CIAPIN1: variants seen among roughly 807,000 people sequenced by gnomAD.
CIAPIN1 encodes the protein anamorsin.
CIAPIN1 carries 18 observed loss-of-function variants against 34.3 expected under a neutral mutation model. That is an observed-to-expected ratio of 0.52 (90% CI 0.36 to 0.78). The LOEUF (loss-of-function observed/expected upper bound fraction) is 0.78. CIAPIN1 is among the 30% of genes least tolerant of loss of function. The pLI, the probability that CIAPIN1 is intolerant of heterozygous loss-of-function variation, is 0.00. For missense variants in CIAPIN1, 310 were observed against 372.5 expected, an observed-to-expected ratio of 0.83 and a Z score of 1.38; for synonymous variants, 131 against 140.4, an observed-to-expected ratio of 0.93 and a Z score of 0.47.
chr16:57,438,464 G>C (rs7189121), intron 3 of CIAPIN1, among the ~76,000 whole-genome samples: 1 of 152,108 alleles, frequency 6.6e-6, no homozygotes, highest in Non-Finnish European at 1.5e-5. Flanking sequence ...TCTTCACTTC[G>C]TCCCTCCCCA....
At chr16:57,440,690 C>CA (rs1235026885) in intron 2 of CIAPIN1, 82 bp downstream of exon 2, 39 of 1,459,106 alleles carry the variant, frequency 2.7e-5, no homozygotes, top group Non-Finnish European at 3.6e-5. Context: ...AATGAAAACT[C>CA]AGATATCAAG....
chr16:57,431,031 G>T, intron 7 of CIAPIN1, 120 bp downstream of exon 7: 1 of 580,388 alleles, frequency 1.7e-6, no homozygotes, highest in Non-Finnish European at 3.1e-6. Flanking sequence ...TTGCAGAGAT[G>T]GTCTCCCTGT....
At chr16:57,444,396 T>G (rs1156846687) in intron 1 of CIAPIN1, among the ~76,000 whole-genome samples, 1 of 152,212 alleles carries the variant, frequency 6.6e-6, no homozygotes, top group African/African-American at 2.4e-5. Flanking sequence ...GGGCTTCCAC[T>G]TCTCTGTGGC....
At chr16:57,445,937 C>T (rs772736576) in intron 1 of CIAPIN1, among the ~76,000 whole-genome samples, 29 of 134,980 alleles carry the variant, frequency 2.1e-4, no homozygotes, top group Admixed American at 1.2e-3. Context: ...CCTCCGACTC[C>T]GGGGTTCAAG....
intron 3 of CIAPIN1, 86 bp downstream of exon 3, chr16:57,439,096 T>A (rs879020635): frequency 7.3e-7 from 1 of 1,364,430 alleles, no homozygotes; most frequent in Non-Finnish European, 1.0e-6. Flanking sequence ...GATCTCCCAA[T>A]GATACCTCCT....
chr16:57,444,761 A>C (rs556460219), intron 1 of CIAPIN1, among the ~76,000 whole-genome samples: 19 of 152,250 alleles, frequency 1.2e-4, no homozygotes, highest in Non-Finnish European at 2.4e-4. Flanking sequence ...CTAAAGCCAA[A>C]GTGTGATACT....
In CIAPIN1 at chr16:57,434,135, C is replaced by T; in HGVS notation, c.465G>A (p.Leu155=). The T allele has an allele frequency of 6.2e-7, 1 of 1,614,190 alleles. No individual in the cohort carries two copies. The highest frequency in any genetic ancestry group is 8.5e-7 in the Non-Finnish European group (1 of 1,180,020). ...EHLGHESDNL[L]FVQITGKKPN... ...GTTTTTTGCCTGTGATCTGAACAAACAGCAGGTTGTCACTTTCATGACCAA... is the reference window on the plus strand; with the variant it reads ...GTTTTTTGCCTGTGATCTGAACAAATAGCAGGTTGTCACTTTCATGACCAA... The change falls in exon 5 of 9, where the codon CTG becomes CTA. Residue 155 remains leucine, a synonymous_variant. Transcript: ENST00000394391.
chr16:57,447,109 G>A (rs1196012271), intron 1 of CIAPIN1, among the ~76,000 whole-genome samples: 2 of 152,208 alleles, frequency 1.3e-5, no homozygotes, highest in Non-Finnish European at 2.9e-5. Context: ...CGAGGCAGCC[G>A]GGGAACGGCA....
At chr16:57,436,813 G>A (rs748386738) in intron 3 of CIAPIN1, 81 bp from the exon 4 acceptor site, 84 of 1,130,260 alleles carry the variant, frequency 7.4e-5, no homozygotes, top group Non-Finnish European at 9.6e-5. Context: ...ATATGGGTTC[G>A]CAGGCATTCA....
rs71387167 is a variant in CIAPIN1, at chr16:57,443,133, G to T, written c.-55-2150C>A. On this transcript the variant is annotated intron_variant, in intron 1 of 8. Coordinates refer to ENST00000394391, the MANE Select transcript of CIAPIN1 (RefSeq NM_020313.4). ...TTAAAAAGACAATAATTCTGGTTTTGTTTTTTTTTTTTTTTTGCGGGGGTG... is the reference window on the plus strand; with the variant it reads ...TTAAAAAGACAATAATTCTGGTTTTTTTTTTTTTTTTTTTTTGCGGGGGTG... Among the ~76,000 whole-genome samples the T allele has an allele frequency of 4.3e-3, 525 of 122,232 alleles. 1 individual carries two copies. The highest frequency in any genetic ancestry group is 0.011 in the South Asian group (40 of 3,786). 80.2% of individuals were successfully genotyped at this position (122,232 alleles called of 152,430 possible). A position where few individuals can be genotyped will look rare whatever the true frequency, so the allele number is the denominator to read the frequency against.
intron 1 of CIAPIN1, among the ~76,000 whole-genome samples, chr16:57,441,723 T>C (rs1903336159): frequency 6.6e-6 from 1 of 152,236 alleles, no homozygotes; most frequent in Non-Finnish European, 1.5e-5. Context: ...AATCCCATGC[T>C]TTTAACCTAT....
At chr16:57,443,624 A>T (rs1247830296) in intron 1 of CIAPIN1, among the ~76,000 whole-genome samples, 1 of 152,078 alleles carries the variant, frequency 6.6e-6, no homozygotes, top group Non-Finnish European at 1.5e-5. Flanking sequence ...CACCTGGCTA[A>T]TTTCTGTATT....
rs1165360970 is a variant in CIAPIN1 at position 57,436,684 on chromosome 16, G to C, written c.359C>G (p.Thr120Ser). 1.9e-6 allele frequency: 3 copies of C among 1,613,918 alleles called. No individual in the cohort carries two copies. The highest frequency in any genetic ancestry group is 2.5e-6 in the Non-Finnish European group (3 of 1,179,916). ...KTASKLCSAL[T>S]LSGLVEVKEL... ...TTTCACTTCCACAAGACCAGAAAGA[G>C]TCAGGGCTGAACACAGCTTAGATGC... The change falls in exon 4 of 9, where the codon ACT becomes AGT. Residue 120 changes from threonine to serine, a missense_variant. Transcript: ENST00000394391.
In CIAPIN1 at chr16:57,445,512, TA is replaced by T. The variant is rs1226172122; in HGVS notation, c.-56+1829del. ...GACAGAGTGAGACTCCATCTCAAAA[TA>T]AAAAAAAATTAAATTAAAAACATAA... On this transcript the variant is annotated intron_variant, in intron 1 of 8. Coordinates refer to ENST00000394391, the MANE Select transcript of CIAPIN1 (RefSeq NM_020313.4). 2.6e-5 allele frequency among the ~76,000 whole-genome samples: 4 copies of T among 151,414 alleles called. No individual in the cohort carries two copies. In the South Asian group the frequency reaches 6.3e-4, roughly 24 times the overall value.
rs750202607 is a variant in CIAPIN1, at chr16:57,431,141, C to T, written c.746+10G>A. On this transcript the variant is annotated intron_variant, in intron 7 of 8. Transcript: ENST00000394391. The stretch of plus-strand genomic sequence containing the variant: ...GCAGCATGGCAGGCTCCAGTCACCC[C>T]AGCACTCACCAGTTCTTACAGGCCT... 1 of 1,576,678 alleles carries T rather than the reference C, an allele frequency of 6.3e-7. No homozygotes were observed. The highest frequency in any genetic ancestry group is 1.7e-5 in the Admixed American group (1 of 59,952).
At position 57,429,245 on chromosome 16, in the gene CIAPIN1, G is replaced by A; in HGVS notation, c.864C>T (p.Cys288=). 1 of 1,614,004 alleles carries A rather than the reference G, an allele frequency of 6.2e-7. No homozygotes were observed. The highest frequency in any genetic ancestry group is 8.5e-7 in the Non-Finnish European group (1 of 1,179,990). Residue 288 remains cysteine (C), a synonymous_variant, in exon 9 of 9, where the codon TGC becomes TGT. Coordinates refer to ENST00000394391, the MANE Select transcript of CIAPIN1 (RefSeq NM_020313.4). ...TGAAGGCTGGCATCCCAAGGTAGGG[G>A]CAGCTGGCACAGCGGAAGGCATCGC... The part of the protein sequence containing the change: ...YLGDAFRCAS[C]PYLGMPAFKP...
chr16:57,431,341 C>T (rs1336023234), intron 6 of CIAPIN1, 75 bp from the exon 7 acceptor site: 4 of 984,120 alleles, frequency 4.1e-6, no homozygotes, highest in African/African-American at 3.2e-5. Flanking sequence ...CTGCAGGCTT[C>T]GAGAGGAAAC....
intron 1 of CIAPIN1, chr16:57,441,216 A>T (rs1386922170): frequency 4.3e-6 from 1 of 232,806 alleles, no homozygotes; most frequent in Non-Finnish European, 8.4e-6. Flanking sequence ...AGAGTCAAGA[A>T]AGGGGATTAG....
chr16:57,437,472 T>C (rs1567572267), intron 3 of CIAPIN1, among the ~76,000 whole-genome samples: 1 of 152,010 alleles, frequency 6.6e-6, no homozygotes, highest in East Asian at 1.9e-4. Context: ...AACTCCATTG[T>C]AAGATGAGGA....
Sources: allele counts gnomAD v4.1 joint callset (sites outside exome capture counted in the v4.1 genomes callset), GRCh38; gene constraint gnomAD v4.1.1; transcripts MANE v1.5; gene names NCBI Gene and HGNC (gene_info 2026-07-23, HGNC 2026-07-21).